ITGB3: variants seen among roughly 807,000 people sequenced by gnomAD.
ITGB3 encodes the protein integrin beta-3.
In ITGB3, 48 loss-of-function variants were observed where a neutral mutation model predicts 85.8. The observed-to-expected ratio is 0.56, with a 90% CI of 0.44 to 0.71. The LOEUF (loss-of-function observed/expected upper bound fraction) is 0.71, where lower values mean the gene tolerates loss of function less well. ITGB3 is among the 30% of genes least tolerant of loss of function. ITGB3 has a pLI of 0.00. For missense variants in ITGB3, 861 were observed against 1,019.1 expected, an observed-to-expected ratio of 0.84 and a Z score of 2.11; for synonymous variants, 363 against 395.6, an observed-to-expected ratio of 0.92 and a Z score of 0.98.
intron 1 of ITGB3, among the ~76,000 whole-genome samples, chr17:47,268,966 A>T (rs2065035029): frequency 1.3e-5 from 2 of 152,246 alleles, no homozygotes; most frequent in South Asian, 4.1e-4. Flanking sequence ...AGAGGTTCCC[A>T]AACGTCAGTT....
intron 2 of ITGB3, among the ~76,000 whole-genome samples, chr17:47,276,157 C>G (rs1428149870): frequency 6.6e-6 from 1 of 152,156 alleles, no homozygotes; most frequent in African/African-American, 2.4e-5. Flanking sequence ...TTTCCTCCTT[C>G]CCTCCTTTCC....
intron 1 of ITGB3, among the ~76,000 whole-genome samples, chr17:47,263,200 C>G (rs962713499): frequency 1.3e-5 from 2 of 152,146 alleles, no homozygotes; most frequent in Non-Finnish European, 2.9e-5. Flanking sequence ...CCTGCCTTAC[C>G]ACATTTCTCA....
At chr17:47,310,025 G>A (rs1310397431) in intron 14 of ITGB3, 114 bp from the exon 15 acceptor site, 2 of 810,736 alleles carry the variant, frequency 2.5e-6, no homozygotes, top group African/African-American at 3.4e-5. Flanking sequence ...TTTCATTGAT[G>A]ATGTATTCCA....
chr17:47,289,324 TCACC>T (rs1443462265), intron 6 of ITGB3, among the ~76,000 whole-genome samples: 6 of 151,856 alleles, frequency 4.0e-5, no homozygotes, highest in Non-Finnish European at 8.8e-5. Context: ...TATCTCACTG[TCACC>T]CCCCTTTTTT....
chr17:47,288,288 A>AAAGATT (rs2065111927), intron 6 of ITGB3, among the ~76,000 whole-genome samples: 1 of 151,984 alleles, frequency 6.6e-6, no homozygotes, highest in East Asian at 1.9e-4. Flanking sequence ...TCCTACGAGG[A>AAAGATT]AAGATTAAAG....
chr17:47,283,512 A>C lies in ITGB3; in HGVS notation c.324A>C (p.Gln108His). 1 of 1,614,222 alleles carries C rather than the reference A, an allele frequency of 6.2e-7. No homozygotes were observed. The highest frequency in any genetic ancestry group is 2.2e-5 in the East Asian group (1 of 44,884). ...CTGGAGACAGCTCCCAGGTCACTCA[A>C]GTCAGTCCCCAGAGGATTGCACTCC... ...KGSGDSSQVT[Q>H]VSPQRIALRL... Residue 108 changes from glutamine (Q) to histidine (H), a missense_variant, in exon 3 of 15, where the codon CAA becomes CAC. Coordinates refer to ENST00000559488, the MANE Select transcript of ITGB3 (RefSeq NM_000212.3).
rs150029332 is a variant in ITGB3 at position 47,290,233 on chromosome 17, G to A, written c.1084G>A (p.Asp362Asn). 2.5e-5 allele frequency: 41 copies of A among 1,614,114 alleles called. No homozygotes were observed. In the African/African-American group the frequency reaches 4.8e-4, roughly 19 times the overall value. Residue 362 changes from aspartate to asparagine, a missense_variant, in exon 8 of 15, where the codon GAT becomes AAT. Asp to Asn is a conservative substitution (Grantham distance 23). Coordinates refer to ENST00000559488, the MANE Select transcript of ITGB3 (RefSeq NM_000212.3). ...PGTTVGVLSMDSSNVLQLIVD... is the reference protein window; with the variant it reads ...PGTTVGVLSMNSSNVLQLIVD... Reference sequence around the variant, plus strand: ...GACCACAGTTGGGGTTCTGTCCATGGATTCCAGCAATGTCCTCCAGCTCAT... The same window carrying A: ...GACCACAGTTGGGGTTCTGTCCATGAATTCCAGCAATGTCCTCCAGCTCAT...
At chr17:47,301,759 G>A (rs1478875799) in intron 12 of ITGB3, among the ~76,000 whole-genome samples, 1 of 152,038 alleles carries the variant, frequency 6.6e-6, no homozygotes, top group Non-Finnish European at 1.5e-5. Context: ...TTATTTTTCT[G>A]TCAATAGCCT....
At chr17:47,306,320 G>T (rs1286066486) in intron 13 of ITGB3, among the ~76,000 whole-genome samples, 1 of 152,178 alleles carries the variant, frequency 6.6e-6, no homozygotes, top group Non-Finnish European at 1.5e-5. Context: ...TGTCATCCAG[G>T]CTGGAGAGCA....
At chr17:47,298,794 G>A (rs35818256) in intron 10 of ITGB3, among the ~76,000 whole-genome samples, 3 of 152,198 alleles carry the variant, frequency 2.0e-5, no homozygotes, top group African/African-American at 4.8e-5. Flanking sequence ...GGCGAGCAGC[G>A]CTGTGTCAGG....
chr17:47,254,596 G>T (rs2064981266), intron 1 of ITGB3, among the ~76,000 whole-genome samples: 1 of 152,192 alleles, frequency 6.6e-6, no homozygotes, highest in Non-Finnish European at 1.5e-5. Context: ...TCCCAGGGCA[G>T]ACCCTGCACC....
chr17:47,270,139 A>G (rs1358504678), intron 1 of ITGB3, among the ~76,000 whole-genome samples: 1 of 152,252 alleles, frequency 6.6e-6, no homozygotes, highest in African/African-American at 2.4e-5. Context: ...AGTCCCTCTC[A>G]TGACCTGTGG....
chr17:47,291,471 A>G, intron 9 of ITGB3: 1 of 435,444 alleles, frequency 2.3e-6, no homozygotes, highest in Non-Finnish European at 4.1e-6. Flanking sequence ...AGAAAGTAAA[A>G]TCTAAAATGT....
intron 6 of ITGB3, among the ~76,000 whole-genome samples, chr17:47,288,147 C>A (rs536373495): frequency 4.0e-5 from 6 of 151,490 alleles, no homozygotes; most frequent in South Asian, 2.1e-4. Flanking sequence ...TTAAGCCTCC[C>A]AAAGTGCTGG....
Position 47,313,420 on chromosome 17 carries a change from C to T in ITGB3, c.*3216C>T, listed in dbSNP as rs1567772812. Among the ~76,000 whole-genome samples the T allele has an allele frequency of 6.8e-6, 1 of 146,262 alleles. No individual in the cohort carries two copies. The highest frequency in any genetic ancestry group is 2.5e-5 in the African/African-American group (1 of 39,268). ...GGAGTGCAGTGGCACGATCTCTGCT[C>T]ACTGCAAGCTTCGCCTCCCGGGTTC... On this transcript the variant is annotated 3_prime_UTR_variant, in exon 15 of 15. Transcript: ENST00000559488.
chr17:47,292,895 T>C (rs1241952319), intron 10 of ITGB3, among the ~76,000 whole-genome samples: 1 of 152,174 alleles, frequency 6.6e-6, no homozygotes, highest in Non-Finnish European at 1.5e-5. Flanking sequence ...GACATTGGAG[T>C]GTGCTTGAAC....
chr17:47,254,772 C>T (rs907655271), intron 1 of ITGB3, among the ~76,000 whole-genome samples: 1 of 152,138 alleles, frequency 6.6e-6, no homozygotes, highest in Non-Finnish European at 1.5e-5. Context: ...CGGGCACAGC[C>T]CGGGGTTGCT....
At chr17:47,266,052 C>A (rs1430696865) in intron 1 of ITGB3, among the ~76,000 whole-genome samples, 7 of 152,212 alleles carry the variant, frequency 4.6e-5, no homozygotes, top group African/African-American at 1.7e-4. Flanking sequence ...TCTAGATAAA[C>A]CACTTGTGCC....
chr17:47,267,958 G>A (rs1304929070), intron 1 of ITGB3, among the ~76,000 whole-genome samples: 1 of 152,156 alleles, frequency 6.6e-6, no homozygotes, highest in African/African-American at 2.4e-5. Context: ...GTTCAACATG[G>A]CTTGGGAGGC....
Sources: gnomAD v4.1 joint callset for allele counts (sites outside exome capture counted in the v4.1 genomes callset) on GRCh38, gnomAD v4.1.1 for gene constraint, MANE v1.5 for transcripts, NCBI Gene and HGNC (gene_info 2026-07-23, HGNC 2026-07-21) for gene names.